The following FOXP1 variants were observed in gnomAD, a reference collection of about 807,000 sequenced individuals.
The protein encoded by FOXP1 is forkhead box protein P1.
Under a neutral mutation model 98.2 loss-of-function variants are expected in FOXP1, and 15 were observed. That is an observed-to-expected ratio of 0.15 (90% CI 0.10 to 0.24). The LOEUF is 0.24. Among genes scored for constraint, FOXP1 ranks in the 10% least tolerant of loss-of-function variants. The probability of loss-of-function intolerance (pLI) is 1.00; values close to 1 mark genes in which losing one functional copy is unlikely to be tolerated. For missense variants in FOXP1, 633 were observed against 848.5 expected, an observed-to-expected ratio of 0.75 and a Z score of 3.15; for synonymous variants, 371 against 314.5, an observed-to-expected ratio of 1.18 and a Z score of -1.90.
chr3:70,970,693 AC>A (rs1361248603), intron 19 of FOXP1, 42 bp downstream of exon 19: 2 of 1,397,930 alleles, frequency 1.4e-6, no homozygotes, highest in Admixed American at 3.3e-5. Flanking sequence ...AGTAGGGGAG[AC>A]CTGTGCCTCT....
intron 6 of FOXP1, among the ~76,000 whole-genome samples, chr3:71,148,519 G>T (rs2060426208): frequency 6.6e-6 from 1 of 151,686 alleles, no homozygotes; most frequent in South Asian, 2.1e-4. Context: ...ATTTATTTTT[G>T]AGTCTCATAC....
intron 3 of FOXP1, among the ~76,000 whole-genome samples, chr3:71,441,190 A>C (rs1183704795): frequency 3.3e-5 from 5 of 152,250 alleles, no homozygotes; most frequent in African/African-American, 7.2e-5. Flanking sequence ...ATCATGGCAC[A>C]ACTCCCTAGG....
At chr3:71,173,099 T>C (rs1402107503) in intron 6 of FOXP1, among the ~76,000 whole-genome samples, 1 of 152,156 alleles carries the variant, frequency 6.6e-6, no homozygotes, top group Non-Finnish European at 1.5e-5. Flanking sequence ...TTTTGCAAAC[T>C]TGAGAGATTG....
intron 3 of FOXP1, among the ~76,000 whole-genome samples, chr3:71,361,184 T>C (rs1202488173): frequency 6.6e-6 from 1 of 152,170 alleles, no homozygotes; most frequent in African/African-American, 2.4e-5. Context: ...TCGTTCAAAC[T>C]TAATTGGTGA....
At chr3:71,027,778 C>T (rs2046323123) in intron 11 of FOXP1, among the ~76,000 whole-genome samples, 1 of 152,112 alleles carries the variant, frequency 6.6e-6, no homozygotes, top group South Asian at 2.1e-4. Context: ...ATTTTTATAA[C>T]ATAAGGAATA....
At chr3:71,138,487 C>CGA (rs2059924167) in intron 6 of FOXP1, among the ~76,000 whole-genome samples, 1 of 151,934 alleles carries the variant, frequency 6.6e-6, no homozygotes, top group Non-Finnish European at 1.5e-5. Flanking sequence ...AAAAGAAAGG[C>CGA]GAGAAGGCAG....
chr3:71,387,144 G>C (rs535530918), intron 3 of FOXP1, among the ~76,000 whole-genome samples: 4 of 152,096 alleles, frequency 2.6e-5, no homozygotes, highest in African/African-American at 9.7e-5. Flanking sequence ...GCTTCATGAC[G>C]GTAACAAAAT....
At chr3:71,190,321 T>C (rs935589393) in intron 6 of FOXP1, among the ~76,000 whole-genome samples, 1 of 151,780 alleles carries the variant, frequency 6.6e-6, no homozygotes, top group Non-Finnish European at 1.5e-5. Flanking sequence ...TAAATAATAG[T>C]TAAATGAGGC....
chr3:71,429,488 G>A (rs1183031511), intron 3 of FOXP1, among the ~76,000 whole-genome samples: 1 of 133,988 alleles, frequency 7.5e-6, no homozygotes, highest in Non-Finnish European at 1.6e-5. Flanking sequence ...GGGGGTGGGG[G>A]GGCGGGAGGG....
chr3:71,246,309 G>A (rs2106978631), intron 5 of FOXP1, among the ~76,000 whole-genome samples: 1 of 152,328 alleles, frequency 6.6e-6, no homozygotes, highest in African/African-American at 2.4e-5. Context: ...GAGAACCCGA[G>A]AAACCTTCTG....
At chr3:71,204,594 G>A (rs920073975) in intron 5 of FOXP1, among the ~76,000 whole-genome samples, 2 of 152,150 alleles carry the variant, frequency 1.3e-5, no homozygotes, top group Admixed American at 6.5e-5. Context: ...GTCACCTGGC[G>A]AGATGCTGCT....
chr3:71,056,855 T>C (rs1427417898), intron 7 of FOXP1, among the ~76,000 whole-genome samples: 3 of 152,150 alleles, frequency 2.0e-5, no homozygotes, highest in Non-Finnish European at 4.4e-5. Context: ...TTTAAGGCTT[T>C]AAATAGTTAA....
chr3:71,308,116 C>T (rs2074407493), intron 4 of FOXP1, among the ~76,000 whole-genome samples: 1 of 150,562 alleles, frequency 6.6e-6, no homozygotes, highest in Non-Finnish European at 1.5e-5. Context: ...CACACAAGCG[C>T]CACTCGCTGT....
rs151234560 is a variant in FOXP1 at position 71,472,564 on chromosome 3, A to T, written c.-168+20862T>A. The stretch of plus-strand genomic sequence containing the variant: ...AAGTAAATGATGCCAACCCTGAGGG[A>T]AGACCTCTTCTTATTCTGCCCAGCA... On this transcript the variant is annotated intron_variant, in intron 3 of 20. Transcript: ENST00000649528. 1.1e-4 allele frequency among the ~76,000 whole-genome samples: 17 copies of T among 152,240 alleles called. No individual in the cohort carries two copies. In the East Asian group the frequency reaches 3.1e-3, roughly 28 times the overall value.
intron 7 of FOXP1, among the ~76,000 whole-genome samples, chr3:71,055,806 G>T (rs917835033): frequency 1.3e-5 from 2 of 152,120 alleles, no homozygotes; most frequent in Non-Finnish European, 2.9e-5. Flanking sequence ...GCAAACAAAA[G>T]AACCATGTTT....
intron 5 of FOXP1, among the ~76,000 whole-genome samples, chr3:71,294,611 C>T (rs2073097346): frequency 1.3e-5 from 2 of 151,982 alleles, no homozygotes; most frequent in Non-Finnish European, 2.9e-5. Flanking sequence ...TATGTATGTA[C>T]ATACATCTGT....
At chr3:71,553,653 T>C (rs187526614) in intron 2 of FOXP1, among the ~76,000 whole-genome samples, 1 of 152,290 alleles carries the variant, frequency 6.6e-6, no homozygotes, top group Admixed American at 6.5e-5. Context: ...ATTCTTTGAG[T>C]TATTAAAATT....
At chr3:71,002,319 TTCA>T (rs1177455380) in intron 12 of FOXP1, among the ~76,000 whole-genome samples, 3 of 152,210 alleles carry the variant, frequency 2.0e-5, no homozygotes, top group African/African-American at 7.2e-5. Flanking sequence ...TTCATACTTA[TTCA>T]TCTCATCCTC....
At chr3:71,571,113 T>A (rs1014437895) in intron 2 of FOXP1, 1 of 152,184 alleles carries the variant, frequency 6.6e-6, no homozygotes, top group African/African-American at 2.4e-5. Context: ...CTAAACTCTA[T>A]CCACAGAGAA....
Sources: gnomAD v4.1 joint callset for allele counts (sites outside exome capture counted in the v4.1 genomes callset) on GRCh38, gnomAD v4.1.1 for gene constraint, MANE v1.5 for transcripts, NCBI Gene and HGNC (gene_info 2026-07-23, HGNC 2026-07-21) for gene names.